ARPC5L: variants seen among roughly 807,000 people sequenced by gnomAD.
ARPC5L encodes actin-related protein 2/3 complex subunit 5-like protein.
ARPC5L carries 4 observed loss-of-function variants against 16.9 expected under a neutral mutation model. That is an observed-to-expected ratio of 0.24 (90% CI 0.12 to 0.54). The LOEUF is 0.54. Ranked by LOEUF, ARPC5L falls within the 20% of genes least tolerant of loss-of-function variation. ARPC5L has a pLI of 0.95. For synonymous variants in ARPC5L, 78 were observed against 82.6 expected (o/e 0.94, Z 0.30); for missense variants, 151 against 201.9 (o/e 0.75, Z 1.53).
chr9:124,870,550 C>T (rs936717274), intron 3 of ARPC5L, among the ~76,000 whole-genome samples: 1 of 152,088 alleles, frequency 6.6e-6, no homozygotes, highest in African/African-American at 2.4e-5. Context: ...GCCTTTAAAC[C>T]GAAAACCTTC....
At chr9:124,866,848 T>C (rs1829277484) in intron 2 of ARPC5L, among the ~76,000 whole-genome samples, 1 of 152,228 alleles carries the variant, frequency 6.6e-6, no homozygotes, top group African/African-American at 2.4e-5. Context: ...ACTTTGGTTC[T>C]CGATCCCAGA....
intron 2 of ARPC5L, among the ~76,000 whole-genome samples, chr9:124,867,141 CTTTTT>C (rs779385412): frequency 1.5e-5 from 2 of 137,922 alleles, no homozygotes; most frequent in African/African-American, 5.4e-5. Flanking sequence ...TCAGGGACAC[CTTTTT>C]TTTTTTTTTT....
intron 3 of ARPC5L, among the ~76,000 whole-genome samples, chr9:124,870,464 G>C (rs994608428): frequency 5.3e-5 from 8 of 152,174 alleles, no homozygotes; most frequent in Admixed American, 5.2e-4. Context: ...TCAGGTTCTC[G>C]GTGTTGAACC....
In ARPC5L at chr9:124,869,255, G is replaced by A. The variant is rs1199187796; in HGVS notation, c.-36G>A. 2.7e-6 allele frequency: 4 copies of A among 1,491,906 alleles called. No individual in the cohort carries two copies. The highest frequency in any genetic ancestry group is 2.3e-5 in the Admixed American group (1 of 43,606). The allele number at this position is 1,491,906 out of a possible 1,614,324, so 92.4% of individuals were successfully genotyped here. A position where few individuals can be genotyped will look rare whatever the true frequency, so the allele number is the denominator to read the frequency against. On this transcript the variant is annotated 5_prime_UTR_variant, in exon 3 of 6. Transcript: ENST00000353214. ...CGGAGCAGAGCCGAGGTCGGGCCGC[G>A]AGCGGAGCCGGCTGAGCGGGCGCCG...
intron 3 of ARPC5L, among the ~76,000 whole-genome samples, chr9:124,870,036 A>AACCC (rs1426281820): frequency 3.3e-5 from 5 of 152,132 alleles, no homozygotes; most frequent in African/African-American, 1.2e-4. Context: ...CAGTCAGTCT[A>AACCC]ACCCTCCCGC....
chr9:124,873,811 G>T (rs113126818), intron 4 of ARPC5L, 47 bp downstream of exon 4: 1 of 1,606,730 alleles, frequency 6.2e-7, no homozygotes, highest in Non-Finnish European at 8.5e-7. Context: ...TGGGACCAGG[G>T]CTGTGGGTGT....
intron 1 of ARPC5L, among the ~76,000 whole-genome samples, chr9:124,863,422 CAG>C (rs1394531570): frequency 6.6e-6 from 1 of 152,164 alleles, no homozygotes; most frequent in Non-Finnish European, 1.5e-5. Context: ...ACTGGGATTA[CAG>C]GTGTGAGCCA....
At chr9:124,862,786 A>G (rs1829220618) in intron 1 of ARPC5L, among the ~76,000 whole-genome samples, 1 of 151,942 alleles carries the variant, frequency 6.6e-6, no homozygotes, top group East Asian at 1.9e-4. Context: ...TCGGCCTCCC[A>G]AAGTGCTGGG....
In ARPC5L at chr9:124,874,364, C is replaced by T. The variant is rs1336609161; in HGVS notation, c.222+600C>T. The stretch of plus-strand genomic sequence containing the variant: ...TTTATTTTTATTTTTTAATAGTCCA[C>T]CACCATTGTGGAGTATAATAAGGCC... On this transcript the variant is annotated intron_variant, in intron 4 of 5. Transcript: ENST00000353214. Among the ~76,000 whole-genome samples, 10 of 152,236 alleles carry T rather than the reference C, an allele frequency of 6.6e-5. No individual in the cohort carries two copies. The East Asian group carries it at 1.7e-3, about 26-fold the overall frequency.
At chr9:124,865,611 G>A (rs1829258069) in intron 2 of ARPC5L, among the ~76,000 whole-genome samples, 1 of 151,550 alleles carries the variant, frequency 6.6e-6, no homozygotes, top group Non-Finnish European at 1.5e-5. Context: ...CCAACATGGT[G>A]AAACCGTGTC....
At chr9:124,871,144 G>A (rs1269227887) in intron 3 of ARPC5L, among the ~76,000 whole-genome samples, 1 of 152,182 alleles carries the variant, frequency 6.6e-6, no homozygotes. Flanking sequence ...GGAGCAGGGA[G>A]AGGGATAGAT....
intron 5 of ARPC5L, among the ~76,000 whole-genome samples, chr9:124,876,213 C>CG (rs1564313976): frequency 6.6e-6 from 1 of 151,990 alleles, no homozygotes; most frequent in East Asian, 1.9e-4. Context: ...AGGCTGGGTG[C>CG]GGTGGGCTCA....
chr9:124,873,566 C>T (rs1410422881), intron 3 of ARPC5L, 126 bp from the exon 4 acceptor site: 22 of 1,053,852 alleles, frequency 2.1e-5, no homozygotes, highest in South Asian at 2.1e-4. Flanking sequence ...CCCTGGAAGC[C>T]GTGGAAGGTG....
intron 5 of ARPC5L, among the ~76,000 whole-genome samples, chr9:124,875,560 C>A (rs1829421389): frequency 6.6e-6 from 1 of 152,212 alleles, no homozygotes; most frequent in Non-Finnish European, 1.5e-5. Context: ...CCAGCCAGCT[C>A]TAAGGGCTTC....
At position 124,865,315 on chromosome 9, in the gene ARPC5L, T is replaced by TAA. The variant is rs11414499; in HGVS notation, c.-864+1228_-864+1229dup. Among the ~76,000 whole-genome samples, 816 of 106,876 alleles carry TAA rather than the reference T, an allele frequency of 7.6e-3. 14 individuals carry two copies. Among genetic ancestry groups the TAA allele is most frequent in the African/African-American group, 0.016 (437 of 27,250 alleles). 70.1% of individuals were successfully genotyped at this position (106,876 alleles called of 152,430 possible). A position where few individuals can be genotyped will look rare whatever the true frequency, so the allele number is the denominator to read the frequency against. On this transcript the variant is annotated intron_variant, in intron 2 of 5. Coordinates refer to ENST00000353214, the MANE Select transcript of ARPC5L (RefSeq NM_030978.3). ...TGGGTGACAAGAGGGAAACTCTGTC[T>TAA]AAAAAAAAAAAAAAAAAAAAAGGAA...
At chr9:124,865,167 G>A (rs899061056) in intron 2 of ARPC5L, among the ~76,000 whole-genome samples, 5 of 151,946 alleles carry the variant, frequency 3.3e-5, no homozygotes, top group African/African-American at 7.2e-5. Flanking sequence ...TCTAGGCCGG[G>A]CGTGGTGGCT....
chr9:124,866,450 G>A (rs181135812), intron 2 of ARPC5L, among the ~76,000 whole-genome samples: 9 of 149,810 alleles, frequency 6.0e-5, no homozygotes, highest in Admixed American at 2.0e-4. Context: ...GGTGGGGCAC[G>A]GTGGCTCATG....
In ARPC5L at chr9:124,877,004, G is replaced by A; in HGVS notation, c.*64G>A. The A allele has an allele frequency of 7.6e-7, 1 of 1,319,226 alleles. No homozygotes were observed. Among genetic ancestry groups the A allele is most frequent in the East Asian group, 2.4e-5 (1 of 42,450 alleles). The allele number at this position is 1,319,226 out of a possible 1,614,324, so 81.7% of individuals were successfully genotyped here. A position where few individuals can be genotyped will look rare whatever the true frequency, so the allele number is the denominator to read the frequency against. ...TGGATGCCCAGGCTGGTGAAGAAGG[G>A]ATTGACAATGGACCATCTTCCTAGG... On this transcript the variant is annotated 3_prime_UTR_variant, in exon 6 of 6. Transcript: ENST00000353214.
chr9:124,869,189 C>T lies in ARPC5L; in HGVS notation c.-102C>T, dbSNP rs888888444. ...CGGTGGAGGAGGTGCTGGGAGCAGC[C>T]GGGCAGCCGCTTCCCGCCCCCGAGC... On this transcript the variant is annotated 5_prime_UTR_variant, in exon 3 of 6. Transcript: ENST00000353214. The T allele has an allele frequency of 2.3e-6, 3 of 1,282,648 alleles. No homozygotes were observed. Among genetic ancestry groups the T allele is most frequent in the Admixed American group, 4.2e-5 (1 of 23,790 alleles). 79.5% of individuals were successfully genotyped at this position (1,282,648 alleles called of 1,614,324 possible).
Sources: gnomAD v4.1 joint callset for allele counts (sites outside exome capture counted in the v4.1 genomes callset) on GRCh38, gnomAD v4.1.1 for gene constraint, MANE v1.5 for transcripts, NCBI Gene and HGNC (gene_info 2026-07-23, HGNC 2026-07-21) for gene names.